OR2T12: variants seen among roughly 807,000 people sequenced by gnomAD.
The protein encoded by OR2T12 is olfactory receptor 2T12.
For missense variants in OR2T12, 335 were observed against 404.3 expected (o/e 0.83, Z 1.47); for synonymous variants, 127 against 160.5 (o/e 0.79, Z 1.58).
At chr1:248,298,664 G>T (rs1459329740) in intron 2 of OR2T12, among the ~76,000 whole-genome samples, 1 of 151,202 alleles carries the variant, frequency 6.6e-6, no homozygotes. Context: ...ATTCTCTGAT[G>T]GTAGTTTGTA....
rs1363196167 is a variant in OR2T12, at chr1:248,290,929, T to C, written c.*3687A>G. 6.6e-6 allele frequency: 1 copy of C among 152,114 alleles called. No individual in the cohort carries two copies. Among genetic ancestry groups the C allele is most frequent in the Admixed American group, 6.6e-5 (1 of 15,262 alleles). 9.4% of individuals were successfully genotyped at this position (152,114 alleles called of 1,614,324 possible). A position where few individuals can be genotyped will look rare whatever the true frequency, so the allele number is the denominator to read the frequency against. ...ACCAGTGATGATGAGCTTTTTTTCA[T>C]ATATTTCTTGGCCACATAAATGTCT... On this transcript the variant is annotated 3_prime_UTR_variant, in exon 3 of 3. Coordinates refer to ENST00000641276, the MANE Select transcript of OR2T12 (RefSeq NM_001004692.2).
At chr1:248,297,283 A>G (rs951564917) in intron 2 of OR2T12, among the ~76,000 whole-genome samples, 1 of 152,100 alleles carries the variant, frequency 6.6e-6, no homozygotes, top group Admixed American at 6.6e-5. Flanking sequence ...GAAGTCAGGT[A>G]GCGTGATGCC....
At position 248,294,730 on chromosome 1, in the gene OR2T12, T is replaced by C; in HGVS notation, c.849A>G (p.Leu283=). Residue 283 remains leucine, a synonymous_variant, in exon 3 of 3, where the codon CTA becomes CTG. Transcript: ENST00000641276. ...TCCTCACACTGTAGATGAGGGGATTTAGTAAAGGGGTGAACATAGTATAGA... is the reference window on the plus strand; with the variant it reads ...TCCTCACACTGTAGATGAGGGGATTCAGTAAAGGGGTGAACATAGTATAGA... ...SAFYTMFTPL[L]NPLIYSVRNS... 1 of 1,614,046 alleles carries C rather than the reference T, an allele frequency of 6.2e-7. No homozygotes were observed. Among genetic ancestry groups the C allele is most frequent in the Non-Finnish European group, 8.5e-7 (1 of 1,180,008 alleles).
In OR2T12 at chr1:248,290,169, G is replaced by A. The variant is rs570333832; in HGVS notation, c.*4447C>T. The A allele has an allele frequency of 6.6e-6, 1 of 151,356 alleles. No homozygotes were observed. Among genetic ancestry groups the A allele is most frequent in the East Asian group, 1.9e-4 (1 of 5,132 alleles). 9.4% of individuals were successfully genotyped at this position (151,356 alleles called of 1,614,324 possible). A position where few individuals can be genotyped will look rare whatever the true frequency, so the allele number is the denominator to read the frequency against. Reference sequence around the variant, plus strand: ...CTCCCTGTGTCCATGTATTCTCATTGTTCATGAACAGAGGCCTCATAAACA... The same window carrying A: ...CTCCCTGTGTCCATGTATTCTCATTATTCATGAACAGAGGCCTCATAAACA... On this transcript the variant is annotated 3_prime_UTR_variant, in exon 3 of 3. Transcript: ENST00000641276.
chr1:248,290,418 A>G lies in OR2T12; in HGVS notation c.*4198T>C, dbSNP rs948643762. On this transcript the variant is annotated 3_prime_UTR_variant, in exon 3 of 3. Transcript: ENST00000641276. ...TCATCCTTTCCAATGGCTGTATAGT[A>G]TTTGTGGTGTATATGTGCCACAGCT... The G allele has an allele frequency of 1.2e-4, 18 of 152,124 alleles. No individual in the cohort carries two copies. Among genetic ancestry groups the G allele is most frequent in the Non-Finnish European group, 8.8e-5 (6 of 68,030 alleles). 9.4% of individuals were successfully genotyped at this position (152,124 alleles called of 1,614,324 possible). A position where few individuals can be genotyped will look rare whatever the true frequency, so the allele number is the denominator to read the frequency against.
chr1:248,299,824 T>A (rs899350649), intron 2 of OR2T12, among the ~76,000 whole-genome samples: 3 of 152,100 alleles, frequency 2.0e-5, no homozygotes, highest in African/African-American at 7.2e-5. Flanking sequence ...ACAGAAATTA[T>A]AACAAACTGT....
chr1:248,293,470 A>G lies in OR2T12; in HGVS notation c.*1146T>C, dbSNP rs886083068. 6.6e-6 allele frequency: 1 copy of G among 152,154 alleles called. No homozygotes were observed. The highest frequency in any genetic ancestry group is 1.9e-4 in the East Asian group (1 of 5,202). 9.4% of individuals were successfully genotyped at this position (152,154 alleles called of 1,614,324 possible). A position where few individuals can be genotyped will look rare whatever the true frequency, so the allele number is the denominator to read the frequency against. On this transcript the variant is annotated 3_prime_UTR_variant, in exon 3 of 3. Coordinates refer to ENST00000641276, the MANE Select transcript of OR2T12 (RefSeq NM_001004692.2). Reference sequence around the variant, plus strand: ...ATTTGATATCCAGTCTCTGATTACAATTTGGCTTTGATAACCACTGCTTTC... The same window carrying G: ...ATTTGATATCCAGTCTCTGATTACAGTTTGGCTTTGATAACCACTGCTTTC...
chr1:248,299,919 C>A (rs933420105), intron 2 of OR2T12, among the ~76,000 whole-genome samples: 34 of 152,214 alleles, frequency 2.2e-4, no homozygotes, highest in Non-Finnish European at 4.4e-5. Flanking sequence ...ACTGAACAAC[C>A]TGCTCCTGAA....
In OR2T12 at chr1:248,290,425, G is replaced by A. The variant is rs1192481977; in HGVS notation, c.*4191C>T. ...TTCCAATGGCTGTATAGTATTTGTG[G>A]TGTATATGTGCCACAGCTACTTTAG... is the stretch of plus-strand genomic sequence containing the variant. On this transcript the variant is annotated 3_prime_UTR_variant, in exon 3 of 3. Coordinates refer to ENST00000641276, the MANE Select transcript of OR2T12 (RefSeq NM_001004692.2). The A allele has an allele frequency of 2.0e-5, 3 of 152,182 alleles. No homozygotes were observed. Among genetic ancestry groups the A allele is most frequent in the African/African-American group, 7.2e-5 (3 of 41,448 alleles). The allele number at this position is 152,182 out of a possible 1,614,324, so 9.4% of individuals were successfully genotyped here.
chr1:248,300,096 TATA>T (rs1469240413), intron 2 of OR2T12, among the ~76,000 whole-genome samples: 6 of 151,944 alleles, frequency 3.9e-5, no homozygotes, highest in African/African-American at 7.3e-5. Flanking sequence ...AAACTTAAAG[TATA>T]ATAATAATAA....
rs562945530 is a variant in OR2T12 at position 248,295,707 on chromosome 1, A to C, written c.-8-121T>G. On this transcript the variant is annotated intron_variant, in intron 2 of 2. Coordinates refer to ENST00000641276, the MANE Select transcript of OR2T12 (RefSeq NM_001004692.2). The stretch of plus-strand genomic sequence containing the variant: ...ATATGTTATCCCAGGTCGTGATTCA[A>C]AGCCCTGACTCCCAGTAGGCACAGC... The C allele has an allele frequency of 7.5e-6, 10 of 1,329,624 alleles. No individual in the cohort carries two copies. In the East Asian group the frequency reaches 1.4e-4, roughly 19 times the overall value. 82.4% of individuals were successfully genotyped at this position (1,329,624 alleles called of 1,614,324 possible). A position where few individuals can be genotyped will look rare whatever the true frequency, so the allele number is the denominator to read the frequency against.
In OR2T12 at chr1:248,298,398, G is replaced by A. The variant is rs533919050; in HGVS notation, c.-8-2812C>T. ...GTTAGGGAGGATTCCCTCTTTTTCT[G>A]TTGATTGGAATAGTTTCAGAAGGAA... is the stretch of plus-strand genomic sequence containing the variant. On this transcript the variant is annotated intron_variant, in intron 2 of 2. Coordinates refer to ENST00000641276, the MANE Select transcript of OR2T12 (RefSeq NM_001004692.2). 8.5e-3 allele frequency among the ~76,000 whole-genome samples: 1,288 copies of A among 152,180 alleles called. 11 individuals are homozygous for A. The highest frequency in any genetic ancestry group is 0.013 in the Non-Finnish European group (891 of 67,994).
At position 248,293,015 on chromosome 1, in the gene OR2T12, T is replaced by C. The variant is rs951619851; in HGVS notation, c.*1601A>G. On this transcript the variant is annotated 3_prime_UTR_variant, in exon 3 of 3. Transcript: ENST00000641276. Reference sequence around the variant, plus strand: ...ACAGAATTTGTGCAGTTCTGTTCCTTTCTCACTCTAACACTGGGTAAGGAG... The same window carrying C: ...ACAGAATTTGTGCAGTTCTGTTCCTCTCTCACTCTAACACTGGGTAAGGAG... The C allele has an allele frequency of 4.6e-5, 7 of 152,252 alleles. No individual in the cohort carries two copies. Among genetic ancestry groups the C allele is most frequent in the African/African-American group, 1.7e-4 (7 of 41,572 alleles). The allele number at this position is 152,252 out of a possible 1,614,324, so 9.4% of individuals were successfully genotyped here.
intron 2 of OR2T12, among the ~76,000 whole-genome samples, chr1:248,299,684 C>T (rs1274779412): frequency 6.6e-6 from 1 of 152,084 alleles, no homozygotes; most frequent in Non-Finnish European, 1.5e-5. Context: ...ACCAAGCGGA[C>T]CTAATAGACA....
chr1:248,302,823 T>G (rs1003245445), intron 1 of OR2T12, among the ~76,000 whole-genome samples: 8 of 152,154 alleles, frequency 5.3e-5, no homozygotes, highest in Non-Finnish European at 1.2e-4. Flanking sequence ...TGTAATTTTA[T>G]GCCATATTTT....
chr1:248,303,217 T>C (rs940185946), intron 1 of OR2T12, 129 bp downstream of exon 1: 1 of 152,128 alleles, frequency 6.6e-6, no homozygotes, highest in East Asian at 1.9e-4. Flanking sequence ...ATTGTACAGA[T>C]AAAATAGAAT....
chr1:248,296,476 G>A (rs1014716046), intron 2 of OR2T12, among the ~76,000 whole-genome samples: 4 of 152,158 alleles, frequency 2.6e-5, no homozygotes, highest in African/African-American at 9.7e-5. Context: ...CACCAACAGT[G>A]TAAAAGTGTT....
chr1:248,296,575 TG>T (rs1349864461), intron 2 of OR2T12, among the ~76,000 whole-genome samples: 1 of 152,088 alleles, frequency 6.6e-6, no homozygotes, highest in Non-Finnish European at 1.5e-5. Flanking sequence ...TATCTCATTG[TG>T]GTTTTGATTT....
rs374763567 is a variant in OR2T12 at position 248,294,921 on chromosome 1, G to C, written c.658C>G (p.Leu220Val). 1.9e-6 allele frequency: 3 copies of C among 1,611,820 alleles called. No individual in the cohort carries two copies. The African/African-American group carries it at 4.0e-5, about 22-fold the overall frequency. ...SLILSSYGLI[L>V]AAVLLMRSTE... ...GAGCGCATGAGCAGAACAGCAGCGA[G>C]GATGAGACCATAGGAGGACAGGATG... The change falls in exon 3 of 3, where the codon CTC becomes GTC. Residue 220 changes from leucine (L) to valine (V), a missense_variant. Physicochemically the swap from Leu to Val is conservative, Grantham distance 32 (BLOSUM62 1). Coordinates refer to ENST00000641276, the MANE Select transcript of OR2T12 (RefSeq NM_001004692.2).
Sources: gnomAD v4.1 joint callset for allele counts (sites outside exome capture counted in the v4.1 genomes callset) on GRCh38, gnomAD v4.1.1 for gene constraint, MANE v1.5 for transcripts, NCBI Gene and HGNC (gene_info 2026-07-23, HGNC 2026-07-21) for gene names.